Variants in MID1 observed in about 807,000 individuals in gnomAD.
MID1 encodes E3 ubiquitin-protein ligase Midline-1.
A neutral mutation model predicts 40.4 loss-of-function variants in MID1; 7 were observed. The observed-to-expected ratio is 0.17, with a 90% CI of 0.10 to 0.33. MID1 has a LOEUF of 0.33. Among genes scored for constraint, MID1 ranks in the 10% least tolerant of loss-of-function variants. The pLI, the probability that MID1 is intolerant of heterozygous loss-of-function variation, is 1.00. For missense variants in MID1, 367 were observed against 558.5 expected (o/e 0.66, Z 3.46); for synonymous variants, 229 against 221.2 (o/e 1.04, Z -0.31).
At chrX:10,709,503 T>C (rs2043252625) in intron 1 of MID1, among the ~76,000 whole-genome samples, 1 of 112,168 alleles carries the variant, frequency 8.9e-6, no homozygotes, top group South Asian at 3.7e-4. Flanking sequence ...CTGGCTCATT[T>C]GTCTAAGAAA....
intron 1 of MID1, among the ~76,000 whole-genome samples, chrX:10,736,747 A>G (rs1055963428): frequency 6.2e-5 from 7 of 112,463 alleles, no homozygotes; most frequent in Admixed American, 1.9e-4. Context: ...CCTATTTGTG[A>G]GAGCTACTTT....
chrX:10,482,402 C>G (rs5979313), intron 5 of MID1, 78 bp downstream of exon 5: 39 of 1,046,018 alleles, frequency 3.7e-5, no homozygotes, highest in Non-Finnish European at 5.1e-5. Context: ...AAAAGCAAGG[C>G]GAGGGCAAGA....
At chrX:10,752,269 T>C (rs1439430135) in intron 1 of MID1, among the ~76,000 whole-genome samples, 1 of 112,008 alleles carries the variant, frequency 8.9e-6, no homozygotes, top group Non-Finnish European at 1.9e-5. Flanking sequence ...TTGCTTCACA[T>C]ACCAGCAGAG....
At chrX:10,746,062 G>A (rs187687354) in intron 1 of MID1, among the ~76,000 whole-genome samples, 2 of 111,830 alleles carry the variant, frequency 1.8e-5, no homozygotes, top group South Asian at 3.8e-4. Flanking sequence ...AAGGAGACAC[G>A]AAAGAGCTAA....
chrX:10,469,237 A>C, intron 7 of MID1: 1 of 571,520 alleles, frequency 1.7e-6, no homozygotes, highest in Non-Finnish European at 2.2e-6. Context: ...ACACCCCGCT[A>C]ATTTTTGTAT....
At chrX:10,743,619 T>G (rs1681272145) in intron 1 of MID1, among the ~76,000 whole-genome samples, 2 of 111,975 alleles carry the variant, frequency 1.8e-5, no homozygotes, top group Non-Finnish European at 3.8e-5. Flanking sequence ...CTGTACTGAG[T>G]GCATACCATA....
chrX:10,505,461 C>T, intron 3 of MID1: 1 of 754,323 alleles, frequency 1.3e-6, no homozygotes, highest in Non-Finnish European at 1.6e-6. Context: ...ATTAATTACA[C>T]ACTTTATAAA....
At chrX:10,723,763 A>T (rs748699769) in intron 1 of MID1, among the ~76,000 whole-genome samples, 49 of 111,390 alleles carry the variant, frequency 4.4e-4, no homozygotes, top group Non-Finnish European at 8.7e-4. Context: ...CGTGGTCTCG[A>T]TCTCCTGACC....
intron 1 of MID1, among the ~76,000 whole-genome samples, chrX:10,780,684 A>G (rs931468516): frequency 1.8e-5 from 2 of 111,927 alleles, no homozygotes; most frequent in African/African-American, 6.5e-5. Context: ...AGAAGTGACA[A>G]TGCATTTCTG....
intron 1 of MID1, among the ~76,000 whole-genome samples, chrX:10,661,565 G>A (rs1395797736): frequency 9.1e-6 from 1 of 110,241 alleles, no homozygotes; most frequent in African/African-American, 3.3e-5. Context: ...CACCCACTTC[G>A]GCCTCCCAAA....
chrX:10,601,901 GTTTTTT>G (rs61428047), intron 1 of MID1, among the ~76,000 whole-genome samples: 3 of 96,299 alleles, frequency 3.1e-5, no homozygotes, highest in African/African-American at 1.2e-4. Context: ...TTTTGTTTTT[GTTTTTT>G]TTTTTTTGAG....
At chrX:10,724,597 A>T (rs1370347975) in intron 1 of MID1, among the ~76,000 whole-genome samples, 4 of 112,315 alleles carry the variant, frequency 3.6e-5, no homozygotes, top group Admixed American at 1.9e-4. Context: ...CAACCGGAAA[A>T]AACTCTAAAT....
At chrX:10,630,671 C>T (rs2147555507) in intron 1 of MID1, among the ~76,000 whole-genome samples, 1 of 110,563 alleles carries the variant, frequency 9.0e-6, no homozygotes, top group Non-Finnish European at 1.9e-5. Context: ...TCAGGAGTAA[C>T]AATATCCAAT....
At chrX:10,483,974 C>T (rs1329607590) in intron 4 of MID1, among the ~76,000 whole-genome samples, 2 of 111,942 alleles carry the variant, frequency 1.8e-5, no homozygotes, top group East Asian at 2.8e-4. Flanking sequence ...AATATAGGAT[C>T]GTGAGCCTGG....
At chrX:10,495,087 A>T (rs1020238041) in intron 4 of MID1, among the ~76,000 whole-genome samples, 1 of 112,063 alleles carries the variant, frequency 8.9e-6, no homozygotes, top group East Asian at 2.8e-4. Context: ...ACAAAGGAGT[A>T]TATGATATAG....
intron 1 of MID1, among the ~76,000 whole-genome samples, chrX:10,606,494 G>T (rs1470928642): frequency 9.0e-6 from 1 of 110,744 alleles, no homozygotes; most frequent in Non-Finnish European, 1.9e-5. Flanking sequence ...AAACCTATTA[G>T]AATTCAAAGA....
chrX:10,650,834 C>T (rs986471771), intron 1 of MID1, among the ~76,000 whole-genome samples: 1 of 110,634 alleles, frequency 9.0e-6, no homozygotes, highest in African/African-American at 3.3e-5. Context: ...CTTCCAAGGG[C>T]GAAGGGAAAG....
At chrX:10,733,481 G>C (rs111400136) in intron 1 of MID1, among the ~76,000 whole-genome samples, 4,186 of 111,480 alleles carry the variant, frequency 0.038, 170 homozygotes, top group African/African-American at 0.13. Flanking sequence ...TTCAAAAGTT[G>C]TGCTTATCAA....
rs1423113010 is a variant in MID1, at chrX:10,613,726, TATATATAGAGAGAGAG to T, written c.-57+6548_-57+6563del. Among the ~76,000 whole-genome samples, 60 of 48,561 alleles carry T rather than the reference TATATATAGAGAGAGAG, an allele frequency of 1.2e-3. 1 individual carries two copies. The highest frequency in any genetic ancestry group is 2.2e-3 in the Admixed American group (9 of 4,165). The allele number at this position is 48,561 out of a possible 115,157, so 42.2% of individuals were successfully genotyped here. A position where few individuals can be genotyped will look rare whatever the true frequency, so the allele number is the denominator to read the frequency against. ...ATATATATATATATATATATATATA[TATATATAGAGAGAGAG>T]AGAGAGAGAGAGAGAGAGAGAGAGA... On this transcript the variant is annotated intron_variant, in intron 1 of 9. Coordinates refer to ENST00000317552, the MANE Select transcript of MID1 (RefSeq NM_000381.4).
Sources: gnomAD v4.1 joint callset for allele counts (sites outside exome capture counted in the v4.1 genomes callset) on GRCh38, gnomAD v4.1.1 for gene constraint, MANE v1.5 for transcripts, NCBI Gene and HGNC (gene_info 2026-07-23, HGNC 2026-07-21) for gene names.